The following TYW1B variants were observed in gnomAD, a reference collection of about 807,000 sequenced individuals.
TYW1B encodes tRNA-yW synthesizing protein 1 homolog B, also known as S-adenosyl-L-methionine-dependent tRNA 4-demethylwyosine synthase TYW1B.
In TYW1B, 73 loss-of-function variants were observed where a neutral mutation model predicts 86.9. The ratio of observed to expected loss-of-function variants is 0.84; its 90% CI spans 0.70 to 1.02. TYW1B has a LOEUF of 1.02. Ranked by LOEUF, TYW1B falls within the 50% of genes least tolerant of loss-of-function variation. The pLI is 0.00. For synonymous variants in TYW1B, 248 were observed against 292.8 expected (o/e 0.85, Z 1.56); for missense variants, 637 against 827.4 (o/e 0.77, Z 2.82).
At chr7:72,696,390 A>T (rs1407709179) in intron 10 of TYW1B, among the ~76,000 whole-genome samples, 1 of 152,190 alleles carries the variant, frequency 6.6e-6, no homozygotes, top group African/African-American at 2.4e-5. Context: ...TTCTTTTTCT[A>T]TAAGGATTCC....
intron 13 of TYW1B, among the ~76,000 whole-genome samples, chr7:72,608,672 G>A (rs1438615259): frequency 3.9e-5 from 6 of 152,204 alleles, no homozygotes; most frequent in African/African-American, 7.2e-5. Flanking sequence ...GCAGGTTGAA[G>A]GGCAAAGGAC....
At chr7:72,639,236 T>C (rs1812741730) in intron 11 of TYW1B, among the ~76,000 whole-genome samples, 1 of 148,604 alleles carries the variant, frequency 6.7e-6, no homozygotes, top group East Asian at 1.9e-4. Context: ...ATTGTGTTTA[T>C]TTTTTTAAAT....
chr7:72,753,137 A>C (rs1028852004), intron 7 of TYW1B, among the ~76,000 whole-genome samples: 1 of 152,058 alleles, frequency 6.6e-6, no homozygotes, highest in Admixed American at 6.6e-5. Flanking sequence ...AAGAAAGAAG[A>C]GCTCGCCTTT....
intron 13 of TYW1B, among the ~76,000 whole-genome samples, chr7:72,612,511 T>C (rs1302421022): frequency 3.9e-5 from 6 of 152,174 alleles, no homozygotes; most frequent in Non-Finnish European, 2.9e-5. Context: ...CTGCATTGTC[T>C]TAAGGTACCT....
At position 72,820,870 on chromosome 7, in the gene TYW1B, T is replaced by C. The variant is rs551244658; in HGVS notation, c.136-5389A>G. Among the ~76,000 whole-genome samples, 7 of 152,348 alleles carry C rather than the reference T, an allele frequency of 4.6e-5. No individual in the cohort carries two copies. In the South Asian group the frequency reaches 1.4e-3, roughly 32 times the overall value. The stretch of plus-strand genomic sequence containing the variant: ...CTGTCCAAATCCAGACAAAATATCA[T>C]GGCGGTGTCAAAGCTGTGAGAATCA... On this transcript the variant is annotated intron_variant, in intron 2 of 13. Coordinates refer to ENST00000620995, the MANE Select transcript of TYW1B (RefSeq NM_001145440.3).
intron 9 of TYW1B, among the ~76,000 whole-genome samples, chr7:72,725,444 A>G (rs1554458482): frequency 6.6e-6 from 1 of 152,176 alleles, no homozygotes; most frequent in Non-Finnish European, 1.5e-5. Context: ...TCAACTTCAC[A>G]TAAAAATAAA....
At chr7:72,652,825 A>C (rs1273789371) in intron 11 of TYW1B, among the ~76,000 whole-genome samples, 1 of 152,238 alleles carries the variant, frequency 6.6e-6, no homozygotes, top group East Asian at 1.9e-4. Context: ...AACCTTACTA[A>C]AGGGCAAATT....
At chr7:72,578,791 C>T (rs1349527793) in intron 13 of TYW1B, among the ~76,000 whole-genome samples, 15 of 152,288 alleles carry the variant, frequency 9.8e-5, no homozygotes, top group African/African-American at 3.1e-4. Flanking sequence ...AGTACAGGGA[C>T]AGGTGTGATA....
intron 9 of TYW1B, among the ~76,000 whole-genome samples, chr7:72,719,879 G>A (rs1786863863): frequency 6.6e-6 from 1 of 152,090 alleles, no homozygotes; most frequent in Non-Finnish European, 1.5e-5. Context: ...GCCTGATTAT[G>A]TCTAGGGAAC....
At chr7:72,616,637 G>C in intron 13 of TYW1B, 35 bp downstream of exon 13, 1 of 1,613,874 alleles carries the variant, frequency 6.2e-7, no homozygotes, top group South Asian at 1.1e-5. Flanking sequence ...AGCAGGGTCA[G>C]GGAACAGAAG....
At chr7:72,740,867 A>G (rs1787291964) in intron 8 of TYW1B, among the ~76,000 whole-genome samples, 1 of 151,212 alleles carries the variant, frequency 6.6e-6, no homozygotes, top group South Asian at 2.1e-4. Flanking sequence ...AGTAGCTGGG[A>G]CTACAGGTGC....
chr7:72,778,230 T>C (rs1787990910), intron 6 of TYW1B, among the ~76,000 whole-genome samples: 1 of 152,142 alleles, frequency 6.6e-6, no homozygotes, highest in Non-Finnish European at 1.5e-5. Flanking sequence ...GGAAAAATAA[T>C]AATAGCAACA....
At chr7:72,716,652 T>C (rs540200673) in intron 9 of TYW1B, among the ~76,000 whole-genome samples, 1 of 151,896 alleles carries the variant, frequency 6.6e-6, no homozygotes, top group East Asian at 1.9e-4. Context: ...GTTGTTGTTG[T>C]TTTTGAGACA....
chr7:72,782,148 GTGTGGTGGCACGTGCC>G (rs1416013900), intron 6 of TYW1B, among the ~76,000 whole-genome samples: 1 of 151,978 alleles, frequency 6.6e-6, no homozygotes, highest in African/African-American at 2.4e-5. Flanking sequence ...AATTAGCCAG[GTGTGGTGGCACGTGCC>G]TGTCATCCGA....
intron 11 of TYW1B, among the ~76,000 whole-genome samples, chr7:72,664,807 T>A (rs1554445000): frequency 2.6e-5 from 4 of 152,056 alleles, no homozygotes; most frequent in African/African-American, 9.7e-5. Context: ...CAATATATGA[T>A]CTATGGGGGA....
intron 13 of TYW1B, among the ~76,000 whole-genome samples, chr7:72,602,143 G>A (rs555399153): frequency 1.3e-5 from 2 of 152,252 alleles, no homozygotes; most frequent in African/African-American, 2.4e-5. Flanking sequence ...TCTTGCTGAA[G>A]GGCATAGAGG....
chr7:72,637,545 T>C (rs1190426435), intron 11 of TYW1B, among the ~76,000 whole-genome samples: 1 of 152,176 alleles, frequency 6.6e-6, no homozygotes, highest in Non-Finnish European at 1.5e-5. Flanking sequence ...TGCCAGGTAA[T>C]CATCAGTTTT....
chr7:72,756,439 T>C (rs1316018283), intron 7 of TYW1B, among the ~76,000 whole-genome samples: 1 of 151,772 alleles, frequency 6.6e-6, no homozygotes, highest in Admixed American at 6.6e-5. Context: ...TTCACCACAT[T>C]GGTGAGGCTG....
At chr7:72,772,539 C>T (rs778703845) in intron 7 of TYW1B, among the ~76,000 whole-genome samples, 15 of 152,050 alleles carry the variant, frequency 9.9e-5, no homozygotes, top group Non-Finnish European at 2.2e-4. Flanking sequence ...CGTGAATTCT[C>T]AGTAGCACTA....
Sources: allele counts gnomAD v4.1 joint callset (sites outside exome capture counted in the v4.1 genomes callset), GRCh38; gene constraint gnomAD v4.1.1; transcripts MANE v1.5; gene names NCBI Gene and HGNC (gene_info 2026-07-23, HGNC 2026-07-21).